The following CLC variants were observed in gnomAD, a reference collection of about 807,000 sequenced individuals.
CLC encodes the protein Charcot-Leyden crystal galectin.
In CLC, 15 loss-of-function variants were observed where a neutral mutation model predicts 13.9. The observed-to-expected ratio is 1.08, with a 90% confidence interval of 0.72 to 1.66. CLC has a LOEUF of 1.66. Ranked by LOEUF, CLC falls within the 40% of genes most tolerant of loss-of-function variation. The pLI, the probability that CLC is intolerant of heterozygous loss-of-function variation, is 0.00. For synonymous variants in CLC, 68 were observed against 59.9 expected (o/e 1.14, Z -0.63); for missense variants, 161 against 169.1 (o/e 0.95, Z 0.27).
At chr19:39,735,837 A>G (rs1478210223) in intron 1 of CLC, among the ~76,000 whole-genome samples, 3 of 152,172 alleles carry the variant, frequency 2.0e-5, no homozygotes, top group African/African-American at 4.8e-5. Flanking sequence ...ATCATCTTCA[A>G]CTCTGAAACT....
intron 3 of CLC, 46 bp downstream of exon 3, chr19:39,734,237 T>A: frequency 6.3e-7 from 1 of 1,583,860 alleles, no homozygotes; most frequent in Non-Finnish European, 8.6e-7. Context: ...CCTCCTGCTC[T>A]GAGATCCCAT....
chr19:39,734,808 C>T (rs1407821245), intron 2 of CLC, among the ~76,000 whole-genome samples, 189 bp downstream of exon 2: 3 of 152,086 alleles, frequency 2.0e-5, no homozygotes, highest in Non-Finnish European at 4.4e-5. Context: ...ACTCCTAGAC[C>T]CATGACTAGC....
chr19:39,734,527 CTTTCT>C, intron 2 of CLC, 34 bp from the exon 3 acceptor site: 1 of 1,582,794 alleles, frequency 6.3e-7, no homozygotes, highest in Non-Finnish European at 8.7e-7. Flanking sequence ...GAGCAGGTCC[CTTTCT>C]TGTGGGGCAC....
Position 39,731,457 on chromosome 19 carries a change from G to A in CLC, c.352C>T (p.Pro118Ser). 1 of 1,613,634 alleles carries A rather than the reference G, an allele frequency of 6.2e-7. No homozygotes were observed. The highest frequency in any genetic ancestry group is 8.5e-7 in the Non-Finnish European group (1 of 1,179,648). ...SSYTFDHRIK[P>S]EAVKMVQVWR... is the part of the protein sequence containing the mutation. ...ACTTGCACCATCTTCACAGCCTCAG[G>A]CTTGATTCTATGGTCAAAGGTGTAA... Residue 118 changes from proline (P) to serine (S), a missense_variant, in exon 4 of 4, where the codon CCT becomes TCT. Transcript: ENST00000221804.
chr19:39,734,940 C>A, intron 2 of CLC, 57 bp downstream of exon 2: 1 of 1,335,868 alleles, frequency 7.5e-7, no homozygotes, highest in South Asian at 1.2e-5. Context: ...AGGTCACCCC[C>A]TTAGAAAATA....
At chr19:39,733,576 A>G (rs1967259952) in intron 3 of CLC, among the ~76,000 whole-genome samples, 1 of 152,234 alleles carries the variant, frequency 6.6e-6, no homozygotes, top group Non-Finnish European at 1.5e-5. Context: ...AAGTTGAGGA[A>G]ATCCTTCTAG....
intron 2 of CLC, 113 bp from the exon 3 acceptor site, chr19:39,734,606 C>T: frequency 1.2e-6 from 1 of 854,722 alleles, no homozygotes; most frequent in African/African-American, 1.7e-5. Context: ...TGTTGGTATT[C>T]TAGGCCTTGT....
Position 39,734,309 on chromosome 19 carries a change from T to C in CLC, c.277A>G (p.Ile93Val). The C allele has an allele frequency of 6.2e-7, 1 of 1,614,008 alleles. No individual in the cohort carries two copies. The highest frequency in any genetic ancestry group is 8.5e-7 in the Non-Finnish European group (1 of 1,179,962). The change falls in exon 3 of 4, where the codon ATC (isoleucine) becomes GTC (valine). Residue 93 changes from isoleucine (I) to valine (V), a missense_variant. Coordinates refer to ENST00000221804, the MANE Select transcript of CLC (RefSeq NM_001828.6). ...FQDGQEFELS[I>V]SVLPDKYQVM... ...TGGTACTTATCTGGCAGCACTGAGATGCTCAGTTCAAATTCTTGGCCATCC... is the reference window on the plus strand; with the variant it reads ...TGGTACTTATCTGGCAGCACTGAGACGCTCAGTTCAAATTCTTGGCCATCC...
chr19:39,732,903 A>T (rs1235429161), intron 3 of CLC, among the ~76,000 whole-genome samples: 2 of 139,232 alleles, frequency 1.4e-5, no homozygotes, highest in Non-Finnish European at 3.2e-5. Flanking sequence ...AGCAATGGCA[A>T]CAAAAGACAA....
chr19:39,732,866 C>G lies in CLC; in HGVS notation c.304-1361G>C, dbSNP rs560013085. ...TTACCATTCAGGACATAGGCCTGGG[C>G]AAGGACTTCATGTCCAAAACACCAA... On this transcript the variant is annotated intron_variant, in intron 3 of 3. Transcript: ENST00000221804. Among the ~76,000 whole-genome samples, 143 of 143,252 alleles carry G rather than the reference C, an allele frequency of 1.0e-3. 2 individuals are homozygous for G. The highest frequency in any genetic ancestry group is 2.2e-3 in the South Asian group (9 of 4,136). 94.0% of individuals were successfully genotyped at this position (143,252 alleles called of 152,430 possible). A position where few individuals can be genotyped will look rare whatever the true frequency, so the allele number is the denominator to read the frequency against.
chr19:39,736,283 C>T (rs774367711), intron 1 of CLC, among the ~76,000 whole-genome samples: 5 of 152,026 alleles, frequency 3.3e-5, no homozygotes, highest in Non-Finnish European at 7.4e-5. Flanking sequence ...GTGGGAGGCA[C>T]ATACATCACA....
Position 39,734,342 on chromosome 19 carries a change from G to A in CLC, c.244C>T (p.Pro82Ser). The A allele has an allele frequency of 6.2e-7, 1 of 1,614,048 alleles. No individual in the cohort carries two copies. The highest frequency in any genetic ancestry group is 8.5e-7 in the Non-Finnish European group (1 of 1,179,970). ...TCAAATTCTTGGCCATCCTGAAAGG[G>A]CATATTCTTGGATTCCACCTGCTGC... ...WKQQVESKNMPFQDGQEFELS... is the reference protein window; with the variant it reads ...WKQQVESKNMSFQDGQEFELS... The change falls in exon 3 of 4, where the codon CCC becomes TCC. Residue 82 changes from proline to serine, a missense_variant. Pro to Ser is a moderately conservative substitution (Grantham distance 74, BLOSUM62 -1). Transcript: ENST00000221804.
chr19:39,731,615 T>C, intron 3 of CLC, 110 bp from the exon 4 acceptor site: 1 of 1,162,362 alleles, frequency 8.6e-7, no homozygotes, highest in Non-Finnish European at 1.2e-6. Flanking sequence ...AAATGCCTCA[T>C]TATATATCTG....
At chr19:39,735,325 G>T (rs1178729278) in intron 1 of CLC, among the ~76,000 whole-genome samples, 1 of 152,200 alleles carries the variant, frequency 6.6e-6, no homozygotes, top group Non-Finnish European at 1.5e-5. Flanking sequence ...ATGTTAACAT[G>T]TTTTGAACCT....
At chr19:39,731,678 A>G (rs58100423) in intron 3 of CLC, among the ~76,000 whole-genome samples, 173 bp from the exon 4 acceptor site, 3,479 of 152,254 alleles carry the variant, frequency 0.023, 129 homozygotes, top group African/African-American at 0.076. Flanking sequence ...ACTATCTGAG[A>G]CAGTTGCTCA....
At chr19:39,737,830 C>T (rs766667321) in intron 1 of CLC, 108 bp downstream of exon 1, 4 of 1,152,996 alleles carry the variant, frequency 3.5e-6, no homozygotes, top group Non-Finnish European at 3.8e-6. Flanking sequence ...CCACAACTCT[C>T]AGTAAAGCAT....
intron 2 of CLC, 108 bp from the exon 3 acceptor site, chr19:39,734,601 G>T: frequency 1.1e-6 from 1 of 897,684 alleles, no homozygotes; most frequent in Non-Finnish European, 1.8e-6. Flanking sequence ...AGACTTGTTG[G>T]TATTCTAGGC....
At chr19:39,734,117 C>T (rs1332907085) in intron 3 of CLC, 166 bp downstream of exon 3, 2 of 971,750 alleles carry the variant, frequency 2.1e-6, no homozygotes, top group Non-Finnish European at 1.2e-6. Flanking sequence ...TGATAAAAAG[C>T]CTGGGACAGG....
chr19:39,735,011 T>C lies in CLC; in HGVS notation c.78A>G (p.Pro26=), dbSNP rs1253223869. The C allele has an allele frequency of 6.2e-7, 1 of 1,612,904 alleles. No homozygotes were observed. Among genetic ancestry groups the C allele is most frequent in the Non-Finnish European group, 8.5e-7 (1 of 1,178,910 alleles). Residue 26 remains proline, a synonymous_variant, in exon 2 of 4, where the codon CCA becomes CCG. Transcript: ENST00000221804. Reference sequence around the variant, plus strand: ...GGAGTACTCACAAGAAACAGGCAAGTGGTCGCCCTTTGATTGTCACAGTAG... The same window carrying C: ...GGAGTACTCACAAGAAACAGGCAAGCGGTCGCCCTTTGATTGTCACAGTAG... ...TGSTVTIKGR[P]LACFLNEPYL...
Sources: gnomAD v4.1 joint callset for allele counts (sites outside exome capture counted in the v4.1 genomes callset) on GRCh38, gnomAD v4.1.1 for gene constraint, MANE v1.5 for transcripts, NCBI Gene and HGNC (gene_info 2026-07-23, HGNC 2026-07-21) for gene names.